The following PGM1 variants were observed in gnomAD, a reference collection of about 807,000 sequenced individuals.
PGM1 encodes the protein phosphoglucomutase 1, also known as phosphoglucomutase-1.
A neutral mutation model predicts 55.6 loss-of-function variants in PGM1; 52 were observed. That is an observed-to-expected ratio of 0.94 (90% CI 0.75 to 1.18). The LOEUF is 1.18. PGM1 is among the 50% of genes most tolerant of loss of function. The pLI is 0.00. For synonymous variants in PGM1, 287 were observed against 271.7 expected (o/e 1.06, Z -0.55); for missense variants, 724 against 729.3 (o/e 0.99, Z 0.08).
intron 10 of PGM1, chr1:63,656,052 A>C (rs1205204748): frequency 2.6e-5 from 4 of 152,246 alleles, no homozygotes; most frequent in Non-Finnish European, 1.5e-5. Flanking sequence ...ATCTCTAAAA[A>C]AAGAAAAGGA....
chr1:63,656,526 T>C (rs1322955689), intron 10 of PGM1, among the ~76,000 whole-genome samples: 3 of 152,100 alleles, frequency 2.0e-5, no homozygotes, highest in Admixed American at 1.3e-4. Flanking sequence ...AGTCAAGATA[T>C]GGAACCAGCC....
intron 1 of PGM1, among the ~76,000 whole-genome samples, chr1:63,614,073 G>A (rs577869088): frequency 2.0e-5 from 3 of 152,258 alleles, no homozygotes; most frequent in South Asian, 4.2e-4. Flanking sequence ...CTACACCACT[G>A]AGTTGTTATT....
intron 1 of PGM1, among the ~76,000 whole-genome samples, chr1:63,598,036 C>T (rs754306605): frequency 2.0e-5 from 3 of 152,170 alleles, no homozygotes; most frequent in Non-Finnish European, 2.9e-5. Flanking sequence ...GTAGCGCGAT[C>T]GTGGCTTACT....
chr1:63,627,009 G>A (rs1415729852), intron 1 of PGM1, among the ~76,000 whole-genome samples: 6 of 146,930 alleles, frequency 4.1e-5, no homozygotes, highest in Admixed American at 1.4e-4. Context: ...ATTTCACTTA[G>A]CATAATGTCC....
chr1:63,614,985 G>A (rs1648671804), intron 1 of PGM1, among the ~76,000 whole-genome samples: 1 of 152,144 alleles, frequency 6.6e-6, no homozygotes, highest in African/African-American at 2.4e-5. Flanking sequence ...TAGAAGGTTC[G>A]AGCAAAGCAA....
chr1:63,603,562 C>T (rs1648301054), intron 1 of PGM1, among the ~76,000 whole-genome samples: 1 of 152,174 alleles, frequency 6.6e-6, no homozygotes, highest in Admixed American at 6.5e-5. Context: ...AGAACAGAAT[C>T]GTAAGACCAG....
At chr1:63,626,220 A>G (rs1280461507) in intron 1 of PGM1, among the ~76,000 whole-genome samples, 3 of 152,148 alleles carry the variant, frequency 2.0e-5, no homozygotes, top group South Asian at 2.1e-4. Flanking sequence ...TGTACATAAC[A>G]TCAGATTTAC....
intron 1 of PGM1, among the ~76,000 whole-genome samples, chr1:63,610,750 A>G (rs1648542740): frequency 2.0e-5 from 3 of 152,214 alleles, no homozygotes; most frequent in South Asian, 4.1e-4. Context: ...TTTCTTACAG[A>G]GAGTGTTTCA....
intron 7 of PGM1, among the ~76,000 whole-genome samples, chr1:63,643,736 G>A (rs1397821474): frequency 6.6e-6 from 1 of 152,202 alleles, no homozygotes; most frequent in South Asian, 2.1e-4. Context: ...CCCCTGTTTG[G>A]GGAGTACAAC....
chr1:63,629,389 G>T (rs1649127053), intron 1 of PGM1, 36 bp from the exon 2 acceptor site: 1 of 1,590,784 alleles, frequency 6.3e-7, no homozygotes, highest in Non-Finnish European at 8.6e-7. Flanking sequence ...TGGATGTATT[G>T]ATGTTAAAGA....
intron 1 of PGM1, among the ~76,000 whole-genome samples, chr1:63,602,340 A>C (rs1379843036): frequency 6.6e-6 from 1 of 152,250 alleles, no homozygotes; most frequent in Non-Finnish European, 1.5e-5. Context: ...ATATTATACA[A>C]GAATCTTCTC....
intron 1 of PGM1, among the ~76,000 whole-genome samples, chr1:63,616,687 A>G (rs1326726772): frequency 6.6e-6 from 1 of 150,532 alleles, no homozygotes; most frequent in East Asian, 1.9e-4. Flanking sequence ...AAGGTTGTAC[A>G]CTCTCTGAGG....
rs760733810 is a variant in PGM1 at position 63,593,607 on chromosome 1, T to C, written c.119T>C (p.Ile40Thr). 2.2e-5 allele frequency: 35 copies of C among 1,613,238 alleles called. No homozygotes were observed. The highest frequency in any genetic ancestry group is 2.9e-5 in the Non-Finnish European group (34 of 1,179,820). ...AGCGCCAACTACGCGGAGAACTTCA[T>C]CCAGAGTATCATCTCCACCGTGGAG... ...QSSANYAENF[I>T]QSIISTVEPA... Residue 40 changes from isoleucine to threonine, a missense_variant, in exon 1 of 11, where the codon ATC becomes ACC. Physicochemically the swap from Ile to Thr is moderately conservative, Grantham distance 89. Coordinates refer to ENST00000371084, the MANE Select transcript of PGM1 (RefSeq NM_002633.3).
chr1:63,659,327 G>A (rs1650052765), intron 10 of PGM1, among the ~76,000 whole-genome samples: 1 of 152,202 alleles, frequency 6.6e-6, no homozygotes. Flanking sequence ...TCATGGACTG[G>A]GCATGGGGAA....
At chr1:63,643,712 T>G (rs563813644) in intron 7 of PGM1, among the ~76,000 whole-genome samples, 1 of 152,230 alleles carries the variant, frequency 6.6e-6, no homozygotes, top group African/African-American at 2.4e-5. Flanking sequence ...TCTTAACAAC[T>G]GACTTTGGGC....
At position 63,593,564 on chromosome 1, in the gene PGM1, G is replaced by A. The variant is rs1300863085; in HGVS notation, c.76G>A (p.Val26Met). Residue 26 changes from valine (V) to methionine (M), a missense_variant, in exon 1 of 11, where the codon GTG becomes ATG. By Grantham distance (21) the Val-to-Met change is conservative. Transcript: ENST00000371084. The stretch of plus-strand genomic sequence containing the variant: ...GGGCACGAGCGGGCTGCGGAAGCGG[G>A]TGAAGGTGTTCCAGAGCAGCGCCAA... ...KPGTSGLRKRVKVFQSSANYA... is the reference protein window; with the variant it reads ...KPGTSGLRKRMKVFQSSANYA... 2 of 1,613,798 alleles carry A rather than the reference G, an allele frequency of 1.2e-6. No homozygotes were observed. Among genetic ancestry groups the A allele is most frequent in the Non-Finnish European group, 1.7e-6 (2 of 1,179,950 alleles).
At chr1:63,630,526 C>T (rs1649167082) in intron 3 of PGM1, among the ~76,000 whole-genome samples, 1 of 152,262 alleles carries the variant, frequency 6.6e-6, no homozygotes, top group Non-Finnish European at 1.5e-5. Flanking sequence ...AAGTAACAGG[C>T]TCAAGGTCAC....
chr1:63,636,937 C>T lies in PGM1; in HGVS notation c.1028+549C>T, dbSNP rs148102708. On this transcript the variant is annotated intron_variant, in intron 6 of 10. Transcript: ENST00000371084. ...ACTGGATCGCTCTTGCCCACACAAA[C>T]ACAGTGAATGTTTATATATCACTTC... 5.9e-5 allele frequency among the ~76,000 whole-genome samples: 9 copies of T among 152,304 alleles called. No individual in the cohort carries two copies. The East Asian group carries it at 1.5e-3, about 26-fold the overall frequency.
chr1:63,651,619 G>A lies in PGM1; in HGVS notation c.1281-50G>A, dbSNP rs562024837. The A allele has an allele frequency of 2.1e-5, 32 of 1,526,914 alleles. No individual in the cohort carries two copies. The East Asian group carries it at 6.4e-4, about 30-fold the overall frequency. The allele number at this position is 1,526,914 out of a possible 1,614,324, so 94.6% of individuals were successfully genotyped here. ...AAGAAAGTGCTGACTGATAGGCCTT[G>A]GTGTGATCTGCAGTCAGCCCGTGGG... On this transcript the variant is annotated intron_variant, in intron 8 of 10. Transcript: ENST00000371084.
Sources: gnomAD v4.1 joint callset for allele counts (sites outside exome capture counted in the v4.1 genomes callset) on GRCh38, gnomAD v4.1.1 for gene constraint, MANE v1.5 for transcripts, NCBI Gene and HGNC (gene_info 2026-07-23, HGNC 2026-07-21) for gene names.